The following NRG3 variants were observed in gnomAD, a reference collection of about 807,000 sequenced individuals.
NRG3 encodes the protein neuregulin 3.
Under a neutral mutation model 66.9 loss-of-function variants are expected in NRG3, and 31 were observed. That is an observed-to-expected ratio of 0.46 (90% CI 0.35 to 0.63). The LOEUF is 0.63. Among genes scored for constraint, NRG3 ranks in the 20% least tolerant of loss-of-function variants. The pLI, the probability that NRG3 is intolerant of heterozygous loss-of-function variation, is 0.00. For missense variants in NRG3, 910 were observed against 878.9 expected, an observed-to-expected ratio of 1.04 and a Z score of -0.45; for synonymous variants, 393 against 359.4, an observed-to-expected ratio of 1.09 and a Z score of -1.06.
intron 1 of NRG3, among the ~76,000 whole-genome samples, chr10:82,128,057 G>GTTAA (rs1367927903): frequency 6.6e-6 from 1 of 151,930 alleles, no homozygotes; most frequent in Non-Finnish European, 1.5e-5. Flanking sequence ...AGATCACGAT[G>GTTAA]TTAATTAATG....
intron 3 of NRG3, among the ~76,000 whole-genome samples, chr10:82,775,552 T>C (rs1252212706): frequency 2.0e-5 from 3 of 152,118 alleles, no homozygotes; most frequent in African/African-American, 7.2e-5. Context: ...GAATGTTCCA[T>C]GTGCACAAGA....
intron 3 of NRG3, among the ~76,000 whole-genome samples, chr10:82,761,459 C>A (rs1476548957): frequency 6.6e-6 from 1 of 152,036 alleles, no homozygotes; most frequent in Non-Finnish European, 1.5e-5. Context: ...CTAAAGAATC[C>A]TTAGCTTAAA....
intron 1 of NRG3, among the ~76,000 whole-genome samples, chr10:82,324,016 G>C (rs1414053835): frequency 6.6e-6 from 1 of 151,822 alleles, no homozygotes; most frequent in Non-Finnish European, 1.5e-5. Flanking sequence ...AGGCGCCTGT[G>C]ACCACACCCA....
At chr10:81,983,828 G>T (rs1401816686) in intron 1 of NRG3, among the ~76,000 whole-genome samples, 3 of 152,052 alleles carry the variant, frequency 2.0e-5, no homozygotes, top group Non-Finnish European at 2.9e-5. Flanking sequence ...CTTCAAATAT[G>T]TCCACATCCT....
chr10:82,370,949 A>AACACACAC (rs145443212), intron 2 of NRG3, among the ~76,000 whole-genome samples: 3 of 147,238 alleles, frequency 2.0e-5, no homozygotes, highest in Non-Finnish European at 4.5e-5. Context: ...CCACCTTACA[A>AACACACAC]ACACACACAC....
At chr10:82,499,282 T>C (rs1037689713) in intron 2 of NRG3, among the ~76,000 whole-genome samples, 1 of 152,202 alleles carries the variant, frequency 6.6e-6, no homozygotes, top group Non-Finnish European at 1.5e-5. Flanking sequence ...ACTTGGCTGG[T>C]ACTTTCAAAG....
chr10:82,884,861 T>C (rs1366429327), intron 4 of NRG3, among the ~76,000 whole-genome samples: 1 of 152,244 alleles, frequency 6.6e-6, no homozygotes, highest in Admixed American at 6.5e-5. Context: ...GATGGTAATG[T>C]GTATATTAAA....
rs1020393082 is a variant in NRG3 at position 81,877,790 on chromosome 10, A to C, written c.823+1627A>C. 3 of 1,372,852 alleles carry C rather than the reference A, an allele frequency of 2.2e-6. No individual in the cohort carries two copies. In the African/African-American group the frequency reaches 4.5e-5, roughly 21 times the overall value. The allele number at this position is 1,372,852 out of a possible 1,614,324, so 85.0% of individuals were successfully genotyped here. On this transcript the variant is annotated intron_variant, in intron 1 of 8. Transcript: ENST00000372141. ...GGCTGAAGCAGTCATTTTTGAGAGC[A>C]CATTTTCCCAGGAGGTGTTTAGAGC...
chr10:82,015,667 G>A (rs1261893832), intron 1 of NRG3, among the ~76,000 whole-genome samples: 2 of 151,942 alleles, frequency 1.3e-5, no homozygotes, highest in Non-Finnish European at 2.9e-5. Context: ...TGACATGTGA[G>A]TCAATTAAAC....
intron 2 of NRG3, among the ~76,000 whole-genome samples, chr10:82,479,664 C>CAA (rs35572219): frequency 7.6e-4 from 45 of 59,280 alleles, no homozygotes; most frequent in Middle Eastern, 0.017. Flanking sequence ...AACTCTGTCT[C>CAA]AAAAAAAAAA....
chr10:82,602,767 C>G (rs1198716049), intron 2 of NRG3, among the ~76,000 whole-genome samples: 1 of 152,074 alleles, frequency 6.6e-6, no homozygotes, highest in Non-Finnish European at 1.5e-5. Flanking sequence ...TGGACAAGGC[C>G]ATTCTCATAT....
chr10:81,887,712 C>G (rs1410500683), intron 1 of NRG3, among the ~76,000 whole-genome samples: 1 of 152,064 alleles, frequency 6.6e-6, no homozygotes, highest in Non-Finnish European at 1.5e-5. Context: ...GCTCAAAGTC[C>G]TTCAAATAGT....
chr10:82,165,089 A>G (rs2071935976), intron 1 of NRG3, among the ~76,000 whole-genome samples: 1 of 152,160 alleles, frequency 6.6e-6, no homozygotes, highest in African/African-American at 2.4e-5. Context: ...TATAAGTACT[A>G]TATTGCATTC....
intron 4 of NRG3, among the ~76,000 whole-genome samples, chr10:82,883,262 A>G (rs925784616): frequency 2.1e-5 from 2 of 96,792 alleles, no homozygotes; most frequent in Non-Finnish European, 2.1e-5. Context: ...CAATTGCCCA[A>G]TCAAATTCTT....
At chr10:82,407,455 T>C (rs1259451993) in intron 2 of NRG3, among the ~76,000 whole-genome samples, 1 of 152,142 alleles carries the variant, frequency 6.6e-6, no homozygotes, top group Non-Finnish European at 1.5e-5. Flanking sequence ...CACTTATGAA[T>C]TTGTGATTGT....
intron 1 of NRG3, among the ~76,000 whole-genome samples, chr10:82,140,486 A>G (rs1590263144): frequency 6.6e-6 from 1 of 152,206 alleles, no homozygotes; most frequent in Non-Finnish European, 1.5e-5. Flanking sequence ...TTGTTTGGCA[A>G]TGGCATTTTA....
intron 1 of NRG3, among the ~76,000 whole-genome samples, chr10:82,154,005 A>G (rs1015565241): frequency 2.0e-5 from 3 of 151,662 alleles, no homozygotes; most frequent in East Asian, 1.9e-4. Context: ...TTTTCTCCCA[A>G]TCAGGAGGGT....
At chr10:82,529,588 T>C (rs1847060731) in intron 2 of NRG3, among the ~76,000 whole-genome samples, 1 of 152,200 alleles carries the variant, frequency 6.6e-6, no homozygotes, top group Non-Finnish European at 1.5e-5. Flanking sequence ...TAAACAGAAG[T>C]GCATGCTTAG....
At chr10:82,588,254 G>A (rs886556856) in intron 2 of NRG3, among the ~76,000 whole-genome samples, 6 of 152,140 alleles carry the variant, frequency 3.9e-5, no homozygotes, top group African/African-American at 1.2e-4. Flanking sequence ...GAGGTTTTTG[G>A]ATCATAGGGA....
Sources: gnomAD v4.1 joint callset for allele counts (sites outside exome capture counted in the v4.1 genomes callset) on GRCh38, gnomAD v4.1.1 for gene constraint, MANE v1.5 for transcripts, NCBI Gene and HGNC (gene_info 2026-07-23, HGNC 2026-07-21) for gene names.